Variants in DMRT1 observed in about 807,000 individuals in gnomAD.
The protein encoded by DMRT1 is doublesex and mab-3 related transcription factor 1.
Under a neutral mutation model 32.3 loss-of-function variants are expected in DMRT1, and 7 were observed. The ratio of observed to expected loss-of-function variants is 0.22; its 90% CI spans 0.12 to 0.41. The LOEUF (loss-of-function observed/expected upper bound fraction) is 0.41, where lower values mean the gene tolerates loss of function less well. DMRT1 is among the 10% of genes least tolerant of loss of function. DMRT1 has a pLI of 1.00. For synonymous variants in DMRT1, 278 were observed against 206.1 expected, an observed-to-expected ratio of 1.35 and a Z score of -2.99; for missense variants, 625 against 500.5, an observed-to-expected ratio of 1.25 and a Z score of -2.37.
chr9:842,467 C>T (rs938893042), intron 1 of DMRT1: 10 of 446,942 alleles, frequency 2.2e-5, no homozygotes, highest in East Asian at 4.4e-5. Flanking sequence ...AGCTCCTGAC[C>T]TCAGGTGATC....
chr9:951,228 G>A (rs1358943225), intron 4 of DMRT1, among the ~76,000 whole-genome samples: 1 of 152,034 alleles, frequency 6.6e-6, no homozygotes, highest in Non-Finnish European at 1.5e-5. Context: ...TTAAATACCA[G>A]TCATTTCTGT....
At chr9:892,208 A>C (rs1163781675) in intron 2 of DMRT1, among the ~76,000 whole-genome samples, 1 of 152,158 alleles carries the variant, frequency 6.6e-6, no homozygotes, top group Non-Finnish European at 1.5e-5. Flanking sequence ...TTGCTCTGTG[A>C]TTCAAGTCAG....
chr9:852,202 G>T (rs1317637718), intron 2 of DMRT1, among the ~76,000 whole-genome samples: 2 of 151,932 alleles, frequency 1.3e-5, no homozygotes, highest in African/African-American at 4.8e-5. Context: ...CTCCCAAAGT[G>T]CTGGGATTAC....
At chr9:903,673 A>G (rs1290887288) in intron 3 of DMRT1, among the ~76,000 whole-genome samples, 35 of 152,192 alleles carry the variant, frequency 2.3e-4, no homozygotes, top group Admixed American at 2.0e-3. Context: ...CCGTAGCTAC[A>G]GTATAGTGCA....
intron 3 of DMRT1, among the ~76,000 whole-genome samples, chr9:910,099 C>G (rs1817921204): frequency 6.6e-6 from 1 of 152,164 alleles, no homozygotes; most frequent in Non-Finnish European, 1.5e-5. Flanking sequence ...GACTGTTCCC[C>G]TTTCTGCAAA....
At chr9:914,644 G>C (rs1818112736) in intron 3 of DMRT1, among the ~76,000 whole-genome samples, 1 of 147,474 alleles carries the variant, frequency 6.8e-6, no homozygotes, top group East Asian at 2.0e-4. Flanking sequence ...TGGCCTAGAA[G>C]AGACACCATT....
chr9:949,082 G>C (rs1429860790), intron 4 of DMRT1, among the ~76,000 whole-genome samples: 1 of 151,906 alleles, frequency 6.6e-6, no homozygotes, highest in Non-Finnish European at 1.5e-5. Flanking sequence ...AACAGAGTGA[G>C]ACTCCATCTT....
intron 2 of DMRT1, among the ~76,000 whole-genome samples, chr9:861,679 C>T (rs926414121): frequency 4.7e-5 from 6 of 127,766 alleles, no homozygotes; most frequent in African/African-American, 6.6e-5. Context: ...ACGGGGAAGC[C>T]GGGCAGAGGG....
intron 2 of DMRT1, among the ~76,000 whole-genome samples, chr9:871,450 A>G (rs942022077): frequency 8.3e-5 from 12 of 144,758 alleles, no homozygotes. Flanking sequence ...CTCCTGCCTC[A>G]GCCTCCAGAG....
intron 2 of DMRT1, among the ~76,000 whole-genome samples, chr9:875,357 C>A (rs1816451995): frequency 6.6e-6 from 1 of 152,162 alleles, no homozygotes; most frequent in African/African-American, 2.4e-5. Flanking sequence ...GCTCCCAGAC[C>A]TGGGCCCGAC....
At chr9:868,123 G>A (rs983735287) in intron 2 of DMRT1, among the ~76,000 whole-genome samples, 3 of 152,160 alleles carry the variant, frequency 2.0e-5, no homozygotes, top group Non-Finnish European at 4.4e-5. Context: ...GACTACAGGC[G>A]CAAGCCACCA....
At chr9:929,019 A>G (rs2129845714) in intron 4 of DMRT1, among the ~76,000 whole-genome samples, 1 of 151,862 alleles carries the variant, frequency 6.6e-6, no homozygotes, top group South Asian at 2.1e-4. Context: ...TTGTATTTTT[A>G]GTATAGATGG....
intron 4 of DMRT1, among the ~76,000 whole-genome samples, chr9:930,693 C>T (rs1818694042): frequency 6.6e-6 from 1 of 152,084 alleles, no homozygotes; most frequent in Non-Finnish European, 1.5e-5. Flanking sequence ...CAGACATGAG[C>T]CACCGCACCC....
intron 4 of DMRT1, among the ~76,000 whole-genome samples, chr9:946,040 T>G (rs112826513): frequency 0.014 from 2,170 of 152,300 alleles, 55 homozygotes; most frequent in African/African-American, 0.05. Context: ...ACTTTATTAT[T>G]CTTAACTGGC....
intron 1 of DMRT1, among the ~76,000 whole-genome samples, chr9:843,497 T>C (rs968195590): frequency 2.0e-5 from 3 of 152,174 alleles, no homozygotes; most frequent in African/African-American, 7.2e-5. Context: ...TATGCGCAGG[T>C]GGAAAAAAGC....
At chr9:920,420 A>G (rs1261455335) in intron 4 of DMRT1, among the ~76,000 whole-genome samples, 1 of 152,162 alleles carries the variant, frequency 6.6e-6, no homozygotes, top group Non-Finnish European at 1.5e-5. Flanking sequence ...AGAGCCAAAG[A>G]GTGCTGATAT....
chr9:854,046 G>A (rs527922100), intron 2 of DMRT1, among the ~76,000 whole-genome samples: 3 of 151,646 alleles, frequency 2.0e-5, no homozygotes, highest in Admixed American at 2.0e-4. Context: ...CAGCAGTCAG[G>A]AGTTGAACTC....
intron 4 of DMRT1, among the ~76,000 whole-genome samples, chr9:949,094 A>AAAAAC (rs1285443422): frequency 3.3e-5 from 5 of 151,926 alleles, no homozygotes; most frequent in South Asian, 2.1e-4. Flanking sequence ...CTCCATCTTA[A>AAAAAC]AAAACAAAAC....
chr9:897,356 T>C (rs1817412013), intron 3 of DMRT1, among the ~76,000 whole-genome samples: 2 of 151,926 alleles, frequency 1.3e-5, no homozygotes. Flanking sequence ...GACCTCGTGA[T>C]CCACCAGCCT....
Sources: gnomAD v4.1 joint callset for allele counts (sites outside exome capture counted in the v4.1 genomes callset) on GRCh38, gnomAD v4.1.1 for gene constraint, MANE v1.5 for transcripts, NCBI Gene and HGNC (gene_info 2026-07-23, HGNC 2026-07-21) for gene names.